Variants in SCAI observed in about 807,000 individuals in gnomAD.
The protein encoded by SCAI is suppressor of cancer cell invasion.
SCAI carries 24 observed loss-of-function variants against 92.2 expected under a neutral mutation model. The observed-to-expected ratio is 0.26, with a 90% CI of 0.19 to 0.37. The LOEUF is 0.37. Ranked by LOEUF, SCAI falls within the 10% of genes least tolerant of loss-of-function variation. The probability of loss-of-function intolerance (pLI) is 1.00; values close to 1 mark genes in which losing one functional copy is unlikely to be tolerated. For missense variants in SCAI, 450 were observed against 736.2 expected (o/e 0.61, Z 4.50); for synonymous variants, 261 against 258.6 (o/e 1.01, Z -0.09).
At chr9:125,100,834 G>T (rs1408485443) in intron 2 of SCAI, among the ~76,000 whole-genome samples, 1 of 152,186 alleles carries the variant, frequency 6.6e-6, no homozygotes, top group Non-Finnish European at 1.5e-5. Flanking sequence ...TGAGGGAAAT[G>T]TGGTAGAAAA....
intron 3 of SCAI, 23 bp from the exon 4 acceptor site, chr9:125,029,762 A>G (rs1432756126): frequency 7.3e-7 from 1 of 1,364,028 alleles, no homozygotes. Flanking sequence ...ATGAGTATGT[A>G]TTAATATTAA....
chr9:125,058,688 A>T (rs909423785), intron 2 of SCAI, among the ~76,000 whole-genome samples: 3 of 152,102 alleles, frequency 2.0e-5, no homozygotes, highest in Non-Finnish European at 2.9e-5. Flanking sequence ...AGTGGTATGA[A>T]CGTTTCTAGC....
chr9:125,030,670 C>A (rs537194929), intron 3 of SCAI, among the ~76,000 whole-genome samples: 144 of 152,256 alleles, frequency 9.5e-4, no homozygotes, highest in Non-Finnish European at 1.6e-3. Flanking sequence ...ACAATGATGA[C>A]CTATATAATG....
At chr9:125,086,124 A>G (rs927892805) in intron 2 of SCAI, among the ~76,000 whole-genome samples, 1 of 152,226 alleles carries the variant, frequency 6.6e-6, no homozygotes, top group African/African-American at 2.4e-5. Context: ...CTTTGCTTAT[A>G]TAGTTCAATT....
chr9:125,067,675 A>C (rs574421301), intron 2 of SCAI, among the ~76,000 whole-genome samples: 2 of 152,272 alleles, frequency 1.3e-5, no homozygotes, highest in Non-Finnish European at 2.9e-5. Context: ...CCAGCTTGTC[A>C]TTTCTCATTT....
At chr9:125,126,807 G>C (rs1835289804) in intron 2 of SCAI, among the ~76,000 whole-genome samples, 1 of 152,164 alleles carries the variant, frequency 6.6e-6, no homozygotes, top group Non-Finnish European at 1.5e-5. Flanking sequence ...ACAGGGACTA[G>C]AATTACTGAT....
chr9:125,023,126 T>A (rs750373333), intron 6 of SCAI, among the ~76,000 whole-genome samples: 29 of 152,232 alleles, frequency 1.9e-4, no homozygotes, highest in Non-Finnish European at 3.7e-4. Context: ...GCCATTGTTA[T>A]GATGATTACT....
chr9:124,977,581 G>A (rs1831786822), intron 14 of SCAI, among the ~76,000 whole-genome samples: 1 of 152,152 alleles, frequency 6.6e-6, no homozygotes, highest in Non-Finnish European at 1.5e-5. Context: ...GGCTGAGGTG[G>A]TAGGATCACT....
At chr9:125,107,486 C>T (rs887879764) in intron 2 of SCAI, among the ~76,000 whole-genome samples, 43 of 151,988 alleles carry the variant, frequency 2.8e-4, no homozygotes, top group African/African-American at 1.0e-3. Flanking sequence ...AGAACCAGAG[C>T]CAGGCAAGAT....
At chr9:125,123,468 C>A (rs1564423110) in intron 2 of SCAI, among the ~76,000 whole-genome samples, 4 of 152,048 alleles carry the variant, frequency 2.6e-5, no homozygotes, top group Non-Finnish European at 5.9e-5. Context: ...GGAAATTATC[C>A]TAAGAGTTTA....
At chr9:124,988,035 AACACAC>A (rs144782993) in intron 14 of SCAI, among the ~76,000 whole-genome samples, 7 of 149,594 alleles carry the variant, frequency 4.7e-5, no homozygotes, top group Non-Finnish European at 8.9e-5. Context: ...TGTATCTATA[AACACAC>A]ACACACACAC....
chr9:125,038,653 T>C (rs1400768881), intron 3 of SCAI, among the ~76,000 whole-genome samples: 3 of 152,246 alleles, frequency 2.0e-5, no homozygotes, highest in African/African-American at 4.8e-5. Context: ...AGTTGTGTCA[T>C]CTTCATTCTC....
rs545600582 is a variant in SCAI, at chr9:124,992,339, T to TAATCTGTAG, written c.1326+2594_1326+2595insCTACAGATT. ...TTCTAAAAAGACTAAAATTGGTCTG[T>TAATCTGTAG]GCCATGATCTGATTTGCCTACTCCA... is the stretch of plus-strand genomic sequence containing the variant. On this transcript the variant is annotated intron_variant, in intron 14 of 17. Transcript: ENST00000336505. Among the ~76,000 whole-genome samples the TAATCTGTAG allele has an allele frequency of 9.0e-4, 137 of 152,258 alleles. 1 individual carries two copies. Among genetic ancestry groups the TAATCTGTAG allele is most frequent in the Admixed American group, 1.8e-3 (27 of 15,282 alleles).
chr9:124,957,914 C>T (rs952099853), intron 17 of SCAI, among the ~76,000 whole-genome samples: 1 of 152,006 alleles, frequency 6.6e-6, no homozygotes, highest in Non-Finnish European at 1.5e-5. Flanking sequence ...AACTCCTGAC[C>T]TCAGGTGACC....
chr9:125,032,195 A>ATATATTT (rs1177865840), intron 3 of SCAI, among the ~76,000 whole-genome samples: 1,224 of 99,210 alleles, frequency 0.012, 23 homozygotes, highest in Non-Finnish European at 0.017. Context: ...ATATATATAT[A>ATATATTT]TTTTTTTTTT....
In SCAI at chr9:124,950,536, G is replaced by A. The variant is rs1373871274; in HGVS notation, c.*2271C>T. Reference sequence around the variant, plus strand: ...GCATAACTGGCACAGGACTTAAGGGGAATTGAAACAAGAGGTCAGAAAACC... The same window carrying A: ...GCATAACTGGCACAGGACTTAAGGGAAATTGAAACAAGAGGTCAGAAAACC... On this transcript the variant is annotated 3_prime_UTR_variant, in exon 18 of 18. Coordinates refer to ENST00000336505, the MANE Select transcript of SCAI (RefSeq NM_001144877.3). The A allele has an allele frequency of 3.9e-5, 6 of 152,046 alleles. No individual in the cohort carries two copies. Among genetic ancestry groups the A allele is most frequent in the African/African-American group, 1.2e-4 (5 of 41,370 alleles). The allele number at this position is 152,046 out of a possible 1,614,324, so 9.4% of individuals were successfully genotyped here. A position where few individuals can be genotyped will look rare whatever the true frequency, so the allele number is the denominator to read the frequency against.
At chr9:125,132,270 C>T (rs989940636) in intron 2 of SCAI, among the ~76,000 whole-genome samples, 5 of 151,982 alleles carry the variant, frequency 3.3e-5, no homozygotes, top group Non-Finnish European at 7.4e-5. Flanking sequence ...CGTACCACCA[C>T]GCCTGGCTAG....
intron 3 of SCAI, among the ~76,000 whole-genome samples, chr9:125,043,161 C>T (rs1044534585): frequency 1.3e-5 from 2 of 152,148 alleles, no homozygotes; most frequent in Non-Finnish European, 2.9e-5. Context: ...AGCCACTGTG[C>T]CTGGCCTGCT....
chr9:125,094,158 A>C (rs1834499168), intron 2 of SCAI, among the ~76,000 whole-genome samples: 1 of 152,204 alleles, frequency 6.6e-6, no homozygotes, highest in South Asian at 2.1e-4. Context: ...CAGAATCTTC[A>C]CATGGTTTCC....
Sources: gnomAD v4.1 joint callset for allele counts (sites outside exome capture counted in the v4.1 genomes callset) on GRCh38, gnomAD v4.1.1 for gene constraint, MANE v1.5 for transcripts, NCBI Gene and HGNC (gene_info 2026-07-23, HGNC 2026-07-21) for gene names.